Variants in STRN observed in about 807,000 individuals in gnomAD.
STRN encodes striatin, also known as protein phosphatase 2 regulatory subunit B'''alpha.
In STRN, 53 loss-of-function variants were observed where a neutral mutation model predicts 96.3. The ratio of observed to expected loss-of-function variants is 0.55; its 90% CI spans 0.44 to 0.69. STRN has a LOEUF of 0.69. Ranked by LOEUF, STRN falls within the 30% of genes least tolerant of loss-of-function variation. The probability of loss-of-function intolerance (pLI) is 0.00; values close to 1 mark genes in which losing one functional copy is unlikely to be tolerated. For synonymous variants in STRN, 428 were observed against 355.9 expected, an observed-to-expected ratio of 1.20 and a Z score of -2.28; for missense variants, 987 against 963.9, an observed-to-expected ratio of 1.02 and a Z score of -0.32.
At chr2:36,915,266 T>C (rs1401938807) in intron 3 of STRN, among the ~76,000 whole-genome samples, 1 of 107,168 alleles carries the variant, frequency 9.3e-6, no homozygotes, top group Non-Finnish European at 1.9e-5. Flanking sequence ...TATATATATA[T>C]ATATATAAAG....
intron 6 of STRN, among the ~76,000 whole-genome samples, chr2:36,896,453 G>A (rs1037092106): frequency 1.3e-5 from 2 of 152,108 alleles, no homozygotes; most frequent in Non-Finnish European, 2.9e-5. Flanking sequence ...ATCGGAAGAG[G>A]TAGAGTTTGT....
rs141589763 is a variant in STRN at position 36,865,680 on chromosome 2, G to C, written c.1547+2134C>G. ...GGGTTCAAGCAATTCTCCTGCCTCA[G>C]CCTCCTGAGTAGCTGGGATTACAGG... is the stretch of plus-strand genomic sequence containing the variant. On this transcript the variant is annotated intron_variant, in intron 12 of 17. Coordinates refer to ENST00000263918, the MANE Select transcript of STRN (RefSeq NM_003162.4). 7.7e-3 allele frequency among the ~76,000 whole-genome samples: 1,177 copies of C among 152,162 alleles called. 22 individuals are homozygous for C. Among genetic ancestry groups the C allele is most frequent in the African/African-American group, 0.027 (1,117 of 41,518 alleles).
chr2:36,891,332 G>A (rs1669390904), intron 7 of STRN, among the ~76,000 whole-genome samples: 1 of 152,124 alleles, frequency 6.6e-6, no homozygotes, highest in Non-Finnish European at 1.5e-5. Flanking sequence ...TTCAAGACCA[G>A]CCTGACCAAC....
rs115394295 is a variant in STRN, at chr2:36,905,663, T to G, written c.413-45A>C. ...AATAAAACTGACTTGTTTTACGTAT[T>G]AGAGGGCATCTTAATTCATTAATAA... is the stretch of plus-strand genomic sequence containing the variant. On this transcript the variant is annotated intron_variant, in intron 3 of 17. Transcript: ENST00000263918. 1.2e-3 allele frequency: 1,840 copies of G among 1,505,272 alleles called. 24 individuals are homozygous for G. In the African/African-American group the frequency reaches 0.021, roughly 17 times the overall value. The allele number at this position is 1,505,272 out of a possible 1,614,324, so 93.2% of individuals were successfully genotyped here.
At chr2:36,865,628 A>G (rs1458278992) in intron 12 of STRN, among the ~76,000 whole-genome samples, 1 of 151,840 alleles carries the variant, frequency 6.6e-6, no homozygotes, top group Non-Finnish European at 1.5e-5. Context: ...GTGGTGGCAT[A>G]TCGGCTCACT....
chr2:36,946,621 T>C (rs1217433155), intron 1 of STRN, among the ~76,000 whole-genome samples: 1 of 152,226 alleles, frequency 6.6e-6, no homozygotes, highest in African/African-American at 2.4e-5. Context: ...AATTTCTCTC[T>C]AAACAGTAGG....
In STRN at chr2:36,950,216, T is replaced by TTG. The variant is rs1310860390; in HGVS notation, c.234+16013_234+16014insCA. On this transcript the variant is annotated intron_variant, in intron 1 of 17. Transcript: ENST00000263918. ...ACTGGTTGGTTGGTTTGGTTTTGTT[T>TTG]TTTTTTTTTTTTTTTTTGAGACTGA... is the stretch of plus-strand genomic sequence containing the variant. 4.9e-5 allele frequency among the ~76,000 whole-genome samples: 7 copies of TTG among 142,358 alleles called. No individual in the cohort carries two copies. In the East Asian group the frequency reaches 1.2e-3, roughly 25 times the overall value. 93.4% of individuals were successfully genotyped at this position (142,358 alleles called of 152,430 possible).
Position 36,883,966 on chromosome 2 carries a change from C to A in STRN, c.1152G>T (p.Arg384Ser). The change falls in exon 9 of 18, where the codon AGG becomes AGT. Residue 384 changes from arginine to serine, a missense_variant. Physicochemically the swap from Arg to Ser is moderately radical, Grantham distance 110. Coordinates refer to ENST00000263918, the MANE Select transcript of STRN (RefSeq NM_003162.4). ...CCCTATTAATTTCATGTTCAGGAAG[C>A]CTGGAGCTGCTGGGTCTGGAAGGTG... Reference protein sequence around the residue: ...VGSPSRPSSSRLPEHEINRAD... With the variant: ...VGSPSRPSSSSLPEHEINRAD... 7.0e-7 allele frequency: 1 copy of A among 1,425,270 alleles called. No individual in the cohort carries two copies. The highest frequency in any genetic ancestry group is 9.2e-7 in the Non-Finnish European group (1 of 1,084,840). 88.3% of individuals were successfully genotyped at this position (1,425,270 alleles called of 1,614,324 possible).
At chr2:36,937,734 C>T (rs1670743224) in intron 1 of STRN, among the ~76,000 whole-genome samples, 3 of 151,508 alleles carry the variant, frequency 2.0e-5, no homozygotes, top group African/African-American at 4.8e-5. Context: ...AAGAAATTTG[C>T]TGCATAGACA....
At position 36,861,148 on chromosome 2, in the gene STRN, G is replaced by C. The variant is rs1572628472; in HGVS notation, c.1653C>G (p.Asp551Glu). The C allele has an allele frequency of 6.2e-7, 1 of 1,613,766 alleles. No individual in the cohort carries two copies. The highest frequency in any genetic ancestry group is 8.5e-7 in the Non-Finnish European group (1 of 1,179,906). The change falls in exon 13 of 18, where the codon GAC becomes GAG. Residue 551 changes from aspartate to glutamate, a missense_variant. Physicochemically the swap from Asp to Glu is conservative, Grantham distance 45. Transcript: ENST00000263918. ...ATCACCTACCATAAGAATCATAGGG[G>C]TCGATGTTGGGATTAGTGGTATTCC... ...QGWNTTNPNI[D>E]PYDSYDPSVL...
chr2:36,863,341 T>C (rs1668542501), intron 12 of STRN, among the ~76,000 whole-genome samples: 1 of 152,210 alleles, frequency 6.6e-6, no homozygotes, highest in Non-Finnish European at 1.5e-5. Flanking sequence ...CCGTCTGAAT[T>C]GATTTTTATA....
At chr2:36,876,271 A>G (rs200828931) in intron 10 of STRN, among the ~76,000 whole-genome samples, 1 of 2,514 alleles carries the variant, frequency 4.0e-4, no homozygotes, top group Non-Finnish European at 0.25. Flanking sequence ...ACCCTGCCTT[A>G]AAAAAAAAAA....
intron 1 of STRN, 120 bp from the exon 2 acceptor site, chr2:36,925,328 T>C: frequency 1.5e-6 from 1 of 659,632 alleles, no homozygotes; most frequent in Non-Finnish European, 2.7e-6. Flanking sequence ...TTTACACATT[T>C]CTCACAAAGT....
intron 1 of STRN, among the ~76,000 whole-genome samples, chr2:36,942,884 C>G (rs1176945570): frequency 1.5e-5 from 2 of 134,234 alleles, no homozygotes; most frequent in Non-Finnish European, 3.3e-5. Flanking sequence ...TTGGTAAAGA[C>G]AGAGTTTCAC....
intron 5 of STRN, among the ~76,000 whole-genome samples, chr2:36,901,224 A>C (rs890876707): frequency 3.3e-5 from 5 of 152,120 alleles, no homozygotes; most frequent in Non-Finnish European, 5.9e-5. Context: ...TCTTTACTGA[A>C]GGTTATTAAA....
intron 6 of STRN, among the ~76,000 whole-genome samples, chr2:36,894,763 T>C (rs1669494757): frequency 6.6e-6 from 1 of 152,168 alleles, no homozygotes. Flanking sequence ...GTGAGTGGCT[T>C]AAAATTATAA....
chr2:36,871,251 A>G (rs1668755890), intron 10 of STRN, among the ~76,000 whole-genome samples: 1 of 152,172 alleles, frequency 6.6e-6, no homozygotes, highest in African/African-American at 2.4e-5. Context: ...CTTCACATTC[A>G]CTCATCACTC....
In STRN at chr2:36,866,986, A is replaced by AAC. The variant is rs1240652561; in HGVS notation, c.1547+827_1547+828insGT. 2.2e-3 allele frequency among the ~76,000 whole-genome samples: 330 copies of AAC among 152,292 alleles called. 5 individuals are homozygous for AAC. The highest frequency in any genetic ancestry group is 7.6e-3 in the African/African-American group (317 of 41,564). On this transcript the variant is annotated intron_variant, in intron 12 of 17. Transcript: ENST00000263918. ...TCTTGCTTCTTTAATGCAACTTGCC[A>AAC]CTGTATGCCTTTTAATTGGGGCATT...
rs1668126989 is a variant in STRN, at chr2:36,848,130, T to G, written c.*1326A>C. On this transcript the variant is annotated 3_prime_UTR_variant, in exon 18 of 18. Transcript: ENST00000263918. ...TAGGTGGGTCACAGGTAAGTTGGGC[T>G]GGGGAAGCCTGGCCTTTTAAGGTGT... 1.3e-5 allele frequency: 2 copies of G among 152,168 alleles called. No individual in the cohort carries two copies. The highest frequency in any genetic ancestry group is 4.8e-5 in the African/African-American group (2 of 41,436). The allele number at this position is 152,168 out of a possible 1,614,324, so 9.4% of individuals were successfully genotyped here. A position where few individuals can be genotyped will look rare whatever the true frequency, so the allele number is the denominator to read the frequency against.
Sources: allele counts gnomAD v4.1 joint callset (sites outside exome capture counted in the v4.1 genomes callset), GRCh38; gene constraint gnomAD v4.1.1; transcripts MANE v1.5; gene names NCBI Gene and HGNC (gene_info 2026-07-23, HGNC 2026-07-21).